The following PLCE1 variants were observed in gnomAD, a reference collection of about 807,000 sequenced individuals.
PLCE1 encodes the protein phospholipase C epsilon 1.
Under a neutral mutation model 242.8 loss-of-function variants are expected in PLCE1, and 119 were observed. The observed-to-expected ratio is 0.49, with a 90% CI of 0.42 to 0.57. The LOEUF (loss-of-function observed/expected upper bound fraction) is 0.57. PLCE1 is among the 20% of genes least tolerant of loss of function. The pLI, the probability that PLCE1 is intolerant of heterozygous loss-of-function variation, is 0.00. For missense variants in PLCE1, 2,441 were observed against 2,788.8 expected, an observed-to-expected ratio of 0.88 and a Z score of 2.81; for synonymous variants, 945 against 1,017.4, an observed-to-expected ratio of 0.93 and a Z score of 1.35.
chr10:94,025,400 T>C (rs2061438872), intron 1 of PLCE1, among the ~76,000 whole-genome samples: 1 of 152,124 alleles, frequency 6.6e-6, no homozygotes. Flanking sequence ...CTACTGATAA[T>C]GTTGTAAAGA....
Position 94,227,471 on chromosome 10 carries a change from T to C in PLCE1, c.1955+20T>C. On this transcript the variant is annotated intron_variant, in intron 5 of 32. Transcript: ENST00000371380. ...CCTCAGGTATAGTCAGTGGGGAATA[T>C]GGTTATCTTGGCACAATCGCTTCTC... 1.9e-6 allele frequency: 3 copies of C among 1,609,794 alleles called. No homozygotes were observed. Among genetic ancestry groups the C allele is most frequent in the Middle Eastern group, 1.7e-4 (1 of 6,052 alleles).
intron 2 of PLCE1, among the ~76,000 whole-genome samples, chr10:94,035,579 G>A (rs1179458418): frequency 1.3e-5 from 2 of 152,170 alleles, no homozygotes; most frequent in African/African-American, 4.8e-5. Flanking sequence ...CAGGCTTGGA[G>A]GAGGCTATTG....
chr10:94,319,928 G>A (rs2053729452), intron 29 of PLCE1, among the ~76,000 whole-genome samples: 1 of 139,504 alleles, frequency 7.2e-6, no homozygotes, highest in Admixed American at 7.9e-5. Flanking sequence ...GGAGTGCAGT[G>A]GCGCGATCTC....
At chr10:94,229,196 A>T (rs1405912634) in intron 5 of PLCE1, among the ~76,000 whole-genome samples, 2 of 96,402 alleles carry the variant, frequency 2.1e-5, no homozygotes, top group African/African-American at 8.3e-5. Context: ...AACAAAACAA[A>T]CAAACAAAAA....
intron 1 of PLCE1, among the ~76,000 whole-genome samples, chr10:94,023,988 C>T (rs527550035): frequency 1.3e-5 from 2 of 152,132 alleles, no homozygotes; most frequent in Admixed American, 1.3e-4. Context: ...GAATTTTCAT[C>T]ATAATAGTTC....
intron 5 of PLCE1, among the ~76,000 whole-genome samples, chr10:94,230,764 C>T (rs1042920945): frequency 2.0e-5 from 3 of 152,058 alleles, no homozygotes; most frequent in African/African-American, 7.2e-5. Flanking sequence ...AGTGTACCAG[C>T]ACAATGGCTA....
intron 4 of PLCE1, among the ~76,000 whole-genome samples, chr10:94,199,809 G>A (rs1564782518): frequency 6.6e-6 from 1 of 152,024 alleles, no homozygotes; most frequent in Non-Finnish European, 1.5e-5. Context: ...ACAATGTGAC[G>A]TGCTGTGGAA....
At chr10:94,316,134 A>C (rs191884080) in intron 28 of PLCE1, among the ~76,000 whole-genome samples, 127 of 152,314 alleles carry the variant, frequency 8.3e-4, no homozygotes, top group Non-Finnish European at 1.4e-3. Context: ...CTAGCCCTAC[A>C]AACCTTCCAT....
intron 1 of PLCE1, among the ~76,000 whole-genome samples, chr10:94,015,324 G>T (rs982426654): frequency 6.6e-6 from 1 of 152,094 alleles, no homozygotes; most frequent in African/African-American, 2.4e-5. Flanking sequence ...AGCAACCAAG[G>T]TTATTAGTCA....
At chr10:94,065,560 T>A (rs1257484914) in intron 2 of PLCE1, among the ~76,000 whole-genome samples, 2 of 152,218 alleles carry the variant, frequency 1.3e-5, no homozygotes, top group Non-Finnish European at 2.9e-5. Flanking sequence ...GGCATGAGGC[T>A]TATTGCATCA....
chr10:94,245,723 G>A (rs1014469569), intron 7 of PLCE1, among the ~76,000 whole-genome samples: 1 of 152,198 alleles, frequency 6.6e-6, no homozygotes, highest in African/African-American at 2.4e-5. Context: ...CTGGACTCAA[G>A]TGGTCCACCC....
chr10:94,211,882 A>G (rs529567539), intron 4 of PLCE1, among the ~76,000 whole-genome samples: 4 of 152,320 alleles, frequency 2.6e-5, no homozygotes, highest in Admixed American at 2.0e-4. Context: ...AGCCCCTGCT[A>G]TGTCCTCTTC....
At chr10:94,033,177 G>A (rs565193075) in intron 2 of PLCE1, among the ~76,000 whole-genome samples, 14 of 151,842 alleles carry the variant, frequency 9.2e-5, no homozygotes, top group Non-Finnish European at 2.1e-4. Context: ...GGGGGTAGGG[G>A]GCAGTTCTGG....
intron 3 of PLCE1, among the ~76,000 whole-genome samples, chr10:94,153,823 T>C (rs1443477193): frequency 6.6e-6 from 1 of 152,124 alleles, no homozygotes; most frequent in Non-Finnish European, 1.5e-5. Context: ...ACAAAAAAAG[T>C]GCAAGACTTA....
chr10:94,250,749 T>C (rs190043995), intron 8 of PLCE1, among the ~76,000 whole-genome samples: 3 of 152,358 alleles, frequency 2.0e-5, no homozygotes, highest in East Asian at 3.9e-4. Flanking sequence ...CCAATTATTT[T>C]ACATGTAAAC....
chr10:94,327,738 AAC>A (rs2054082570), intron 32 of PLCE1, among the ~76,000 whole-genome samples: 1 of 152,200 alleles, frequency 6.6e-6, no homozygotes, highest in Non-Finnish European at 1.5e-5. Context: ...TTTTTAAAAA[AAC>A]AAACTTTCTA....
At chr10:94,179,039 A>C (rs1336555285) in intron 4 of PLCE1, among the ~76,000 whole-genome samples, 1 of 152,146 alleles carries the variant, frequency 6.6e-6, no homozygotes, top group Non-Finnish European at 1.5e-5. Context: ...GGGTAAGGGA[A>C]ATTTCAGCTC....
Position 94,235,960 on chromosome 10 carries a change from G to C in PLCE1, c.2260G>C (p.Gly754Arg), listed in dbSNP as rs746608788. 8 of 1,613,986 alleles carry C rather than the reference G, an allele frequency of 5.0e-6. No homozygotes were observed. The highest frequency in any genetic ancestry group is 1.7e-5 in the Admixed American group (1 of 60,004). ...SGQDNFLQRV[G>R]QNGLKNSEKE... ...ACAAGATAATTTCTTACAACGAGTGGGACAAAATGGCTTAAAGAATTCGGA... is the reference window on the plus strand; with the variant it reads ...ACAAGATAATTTCTTACAACGAGTGCGACAAAATGGCTTAAAGAATTCGGA... Residue 754 changes from glycine to arginine, a missense_variant, in exon 7 of 33, where the codon GGA becomes CGA. Gly to Arg is a moderately radical substitution (Grantham distance 125). This residue lies in a region of PLCE1 where 733 missense variants were observed against 754.2 expected (regional missense o/e 0.97). Transcript: ENST00000371380.
In PLCE1 at chr10:94,171,316, G is replaced by A; in HGVS notation, c.1629G>A (p.Glu543=). 6.2e-7 allele frequency: 1 copy of A among 1,614,166 alleles called. No homozygotes were observed. The highest frequency in any genetic ancestry group is 8.5e-7 in the Non-Finnish European group (1 of 1,180,012). The change falls in exon 4 of 33, where the codon GAG becomes GAA. Residue 543 remains glutamate, a synonymous_variant. Transcript: ENST00000371380. ...EEVASILMEQ[E]QTIYRRVLPV... is the part of the protein sequence containing the mutation. ...TCGCCAGCATCCTGATGGAGCAAGA[G>A]CAGACTATTTACCGCAGGGTCTTGC...
Sources: allele counts gnomAD v4.1 joint callset (sites outside exome capture counted in the v4.1 genomes callset), GRCh38; gene constraint gnomAD v4.1.1; regional missense constraint gnomAD v4.1.1; transcripts MANE v1.5; gene names NCBI Gene and HGNC (gene_info 2026-07-23, HGNC 2026-07-21).